Variants in GDF7 observed in about 807,000 individuals in gnomAD.
GDF7 encodes growth/differentiation factor 7.
In GDF7, 12 loss-of-function variants were observed where a neutral mutation model predicts 13.4. The observed-to-expected ratio is 0.90, with a 90% CI of 0.57 to 1.45. The LOEUF is 1.45. GDF7 is among the 40% of genes most tolerant of loss of function. GDF7 has a pLI of 0.00. For synonymous variants in GDF7, 330 were observed against 306.4 expected, an observed-to-expected ratio of 1.08 and a Z score of -0.80; for missense variants, 651 against 652.4, an observed-to-expected ratio of 1.00 and a Z score of 0.02.
rs1054673633 is a variant in GDF7, at chr2:20,674,804, T to C, written c.*3379T>C. On this transcript the variant is annotated 3_prime_UTR_variant, in exon 2 of 2. Coordinates refer to ENST00000272224, the MANE Select transcript of GDF7 (RefSeq NM_182828.4). ...ACTCCACGAAGCCAAGGACAGTCAC[T>C]TCTCCCTGGCAGCTCTCATGGTGTC... The C allele has an allele frequency of 9.2e-5, 14 of 152,204 alleles. No homozygotes were observed. The highest frequency in any genetic ancestry group is 3.4e-4 in the African/African-American group (14 of 41,432). 9.4% of individuals were successfully genotyped at this position (152,204 alleles called of 1,614,324 possible). A position where few individuals can be genotyped will look rare whatever the true frequency, so the allele number is the denominator to read the frequency against.
chr2:20,678,948 T>G lies in GDF7; in HGVS notation c.*7523T>G, dbSNP rs561300158. The G allele has an allele frequency of 5.3e-5, 8 of 152,288 alleles. No homozygotes were observed. Among genetic ancestry groups the G allele is most frequent in the Non-Finnish European group, 1.2e-4 (8 of 68,020 alleles). 9.4% of individuals were successfully genotyped at this position (152,288 alleles called of 1,614,324 possible). Reference sequence around the variant, plus strand: ...AGGCTTGCAGGCTGGGCTGTCTCCTTGCTGCCTGGCTTGGGTGTTTATTTG... The same window carrying G: ...AGGCTTGCAGGCTGGGCTGTCTCCTGGCTGCCTGGCTTGGGTGTTTATTTG... On this transcript the variant is annotated 3_prime_UTR_variant, in exon 2 of 2. Transcript: ENST00000272224.
chr2:20,670,921 G>T lies in GDF7; in HGVS notation c.849G>T (p.Glu283Asp). The T allele has an allele frequency of 6.4e-7, 1 of 1,571,620 alleles. No individual in the cohort carries two copies. Reference sequence around the variant, plus strand: ...AGAGGAAAGAGAGCTTATTCCGGGAGATCCGCGCCCAGGCCCGCGCGCTCG... The same window carrying T: ...AGAGGAAAGAGAGCTTATTCCGGGATATCCGCGCCCAGGCCCGCGCGCTCG... ...RTQRKESLFR[E>D]IRAQARALGA... The change falls in exon 2 of 2, where the codon GAG (glutamate) becomes GAT (aspartate). Residue 283 changes from glutamate (E) to aspartate (D), a missense_variant. By Grantham distance (45) the Glu-to-Asp change is conservative (BLOSUM62 2). Around this residue, in one of 4 missense-constraint regions of GDF7, gnomAD observed 487 missense variants for 445.9 expected, o/e 1.09. Coordinates refer to ENST00000272224, the MANE Select transcript of GDF7 (RefSeq NM_182828.4).
chr2:20,667,331 C>T lies in GDF7; in HGVS notation c.92C>T (p.Ala31Val). The change falls in exon 1 of 2, where the codon GCG becomes GTG. Residue 31 changes from alanine (A) to valine (V), a missense_variant. By Grantham distance (64) the Ala-to-Val change is moderately conservative. This residue lies in a region of GDF7 where 61 missense variants were observed against 50.5 expected (regional missense o/e 1.21). Coordinates refer to ENST00000272224, the MANE Select transcript of GDF7 (RefSeq NM_182828.4). This position sits in a 1 kb window ranked among gnomAD's most constrained non-coding sequence, Gnocchi z 6.4. ...CTGGAAGCGGCCGCCGTGCTGCGAG[C>T]GGCGGGGGCTGGGCCGGTCCGGAGC... ...DGLEAAAVLR[A>V]AGAGPVRSPG... The T allele has an allele frequency of 1.9e-6, 2 of 1,059,164 alleles. No homozygotes were observed. The highest frequency in any genetic ancestry group is 3.4e-5 in the South Asian group (1 of 29,222). 65.6% of individuals were successfully genotyped at this position (1,059,164 alleles called of 1,614,324 possible).
rs776001362 is a variant in GDF7 at position 20,671,165 on chromosome 2, G to A, written c.1093G>A (p.Asp365Asn). ...GGACTTCAAGGAGCTCGGCTGGGAC[G>A]ACTGGATCATCGCGCCGCTGGACTA... ...HVDFKELGWD[D>N]WIIAPLDYEA... Residue 365 changes from aspartate (D) to asparagine (N), a missense_variant, in exon 2 of 2, where the codon GAC becomes AAC. Physicochemically the swap from Asp to Asn is conservative, Grantham distance 23. Around this residue, in one of 4 missense-constraint regions of GDF7, gnomAD observed 101 missense variants for 139.2 expected, o/e 0.73. Coordinates refer to ENST00000272224, the MANE Select transcript of GDF7 (RefSeq NM_182828.4). 2 of 1,613,324 alleles carry A rather than the reference G, an allele frequency of 1.2e-6. No homozygotes were observed. The highest frequency in any genetic ancestry group is 1.7e-6 in the Non-Finnish European group (2 of 1,179,830).
Position 20,671,461 on chromosome 2 carries a change from G to A in GDF7, c.*36G>A, listed in dbSNP as rs992604767. ...GGGGAGGGGGCAGCCACGCGGCCGA[G>A]GATCCCCAGCTGATGAGCAGCAGCG... On this transcript the variant is annotated 3_prime_UTR_variant, in exon 2 of 2. Transcript: ENST00000272224. 2.5e-6 allele frequency: 4 copies of A among 1,590,992 alleles called. No homozygotes were observed. In the African/African-American group the frequency reaches 4.0e-5, roughly 16 times the overall value.
Position 20,672,166 on chromosome 2 carries a change from G to T in GDF7, c.*741G>T, listed in dbSNP as rs1410853321. The T allele has an allele frequency of 7.5e-6, 1 of 133,692 alleles. No individual in the cohort carries two copies. 8.3% of individuals were successfully genotyped at this position (133,692 alleles called of 1,614,324 possible). On this transcript the variant is annotated 3_prime_UTR_variant, in exon 2 of 2. Coordinates refer to ENST00000272224, the MANE Select transcript of GDF7 (RefSeq NM_182828.4). ...TTTTTAATCAATTCCAATAGGAAAT[G>T]TTATGGAAAGTGGAAAGGATATTTT... is the stretch of plus-strand genomic sequence containing the variant.
chr2:20,670,376 C>G, intron 1 of GDF7, 88 bp from the exon 2 acceptor site: 1 of 1,346,628 alleles, frequency 7.4e-7, no homozygotes, highest in Non-Finnish European at 9.7e-7. Flanking sequence ...ACAGCTGGGC[C>G]ATTTGCTGTT....
chr2:20,669,740 G>A lies in GDF7; in HGVS notation c.392-724G>A, dbSNP rs1454155543. Reference sequence around the variant, plus strand: ...CGAGCAGCAGCGCCCATTGTTGCAAGACCTGAGACCTTGGGCGAGCCTGGC... The same window carrying A: ...CGAGCAGCAGCGCCCATTGTTGCAAAACCTGAGACCTTGGGCGAGCCTGGC... On this transcript the variant is annotated intron_variant, in intron 1 of 1. Transcript: ENST00000272224. Among the ~76,000 whole-genome samples the A allele has an allele frequency of 2.0e-5, 3 of 152,372 alleles. No individual in the cohort carries two copies. The East Asian group carries it at 5.8e-4, about 29-fold the overall frequency.
Position 20,672,148 on chromosome 2 carries a change from TC to T in GDF7, c.*724del, listed in dbSNP as rs1176161192. On this transcript the variant is annotated 3_prime_UTR_variant, in exon 2 of 2. Transcript: ENST00000272224. ...CCGCCTTTTTTTTTTTTTTTTTTAA[TC>T]AATTCCAATAGGAAATGTTATGGAA... 7.6e-6 allele frequency: 1 copy of T among 132,338 alleles called. No individual in the cohort carries two copies. Among genetic ancestry groups the T allele is most frequent in the East Asian group, 2.4e-4 (1 of 4,152 alleles). 8.2% of individuals were successfully genotyped at this position (132,338 alleles called of 1,614,324 possible).
In GDF7 at chr2:20,670,630, G is replaced by T; in HGVS notation, c.558G>T (p.Pro186=). Residue 186 remains proline (P), a synonymous_variant, in exon 2 of 2, where the codon CCG becomes CCT. Transcript: ENST00000272224. ...CGTTGCTGCTGCTGTCCACGTGCCC[G>T]GGCGCCGCCCGAGCGCCACGCCTGC... The part of the protein sequence containing the change: ...SPPLLLLSTC[P]GAARAPRLLY... 1.3e-6 allele frequency: 2 copies of T among 1,567,572 alleles called. No homozygotes were observed. Among genetic ancestry groups the T allele is most frequent in the South Asian group, 2.3e-5 (2 of 85,700 alleles).
chr2:20,671,836 C>T lies in GDF7; in HGVS notation c.*411C>T, dbSNP rs776081649. 4 of 214,018 alleles carry T rather than the reference C, an allele frequency of 1.9e-5. No individual in the cohort carries two copies. The highest frequency in any genetic ancestry group is 3.7e-5 in the Non-Finnish European group (4 of 106,688). 13.3% of individuals were successfully genotyped at this position (214,018 alleles called of 1,614,324 possible). On this transcript the variant is annotated 3_prime_UTR_variant, in exon 2 of 2. Coordinates refer to ENST00000272224, the MANE Select transcript of GDF7 (RefSeq NM_182828.4). ...GGGTACTCGAGCATGCTTTATCTCA[C>T]CCCCTTTTGTTTCTGGCCCGATGTG...
intron 1 of GDF7, among the ~76,000 whole-genome samples, chr2:20,669,963 CG>C (rs1351607096): frequency 2.6e-5 from 4 of 152,218 alleles, no homozygotes; most frequent in African/African-American, 9.6e-5. Flanking sequence ...TTTCCGTTTT[CG>C]CACAGCCAGG....
At chr2:20,669,251 T>C (rs1662052989) in intron 1 of GDF7, among the ~76,000 whole-genome samples, 2 of 151,934 alleles carry the variant, frequency 1.3e-5, no homozygotes, top group Non-Finnish European at 2.9e-5. Flanking sequence ...CCAGAAGCCA[T>C]TGATAGGGAT....
At position 20,677,291 on chromosome 2, in the gene GDF7, A is replaced by G. The variant is rs1399696850; in HGVS notation, c.*5866A>G. ...GAAATAAACTGTCTAGAAAAACAAG[A>G]AGCTTCTGTCACACCCAGGCCACTT... On this transcript the variant is annotated 3_prime_UTR_variant, in exon 2 of 2. Transcript: ENST00000272224. The G allele has an allele frequency of 6.6e-6, 1 of 152,228 alleles. No homozygotes were observed. The highest frequency in any genetic ancestry group is 1.5e-5 in the Non-Finnish European group (1 of 68,050). The allele number at this position is 152,228 out of a possible 1,614,324, so 9.4% of individuals were successfully genotyped here. A position where few individuals can be genotyped will look rare whatever the true frequency, so the allele number is the denominator to read the frequency against.
In GDF7 at chr2:20,670,459, C is replaced by T; in HGVS notation, c.392-5C>T. On this transcript the variant is annotated splice_region_variant and splice_polypyrimidine_tract_variant and intron_variant, in intron 1 of 1. Transcript: ENST00000272224. ...TTTCTCTCTGTCCCTGCCGGTCCCC[C>T]GCAGACGAATCGGCAGCCGAAACAG... The T allele has an allele frequency of 6.5e-7, 1 of 1,530,260 alleles. No homozygotes were observed. Among genetic ancestry groups the T allele is most frequent in the South Asian group, 1.3e-5 (1 of 79,508 alleles). The allele number at this position is 1,530,260 out of a possible 1,614,324, so 94.8% of individuals were successfully genotyped here.
Position 20,671,543 on chromosome 2 carries a change from A to G in GDF7, c.*118A>G. 1 of 996,802 alleles carries G rather than the reference A, an allele frequency of 1.0e-6. No homozygotes were observed. The highest frequency in any genetic ancestry group is 1.5e-6 in the Non-Finnish European group (1 of 679,144). The allele number at this position is 996,802 out of a possible 1,614,324, so 61.7% of individuals were successfully genotyped here. ...CCGATGTGACCCAGCACCCTCTCAGAGGAGGGAGAGCACACGTTCACACTC... is the reference window on the plus strand; with the variant it reads ...CCGATGTGACCCAGCACCCTCTCAGGGGAGGGAGAGCACACGTTCACACTC... On this transcript the variant is annotated 3_prime_UTR_variant, in exon 2 of 2. Transcript: ENST00000272224.
rs1662225207 is a variant in GDF7 at position 20,676,600 on chromosome 2, G to T, written c.*5175G>T. 6.6e-6 allele frequency: 1 copy of T among 152,342 alleles called. No homozygotes were observed. The allele number at this position is 152,342 out of a possible 1,614,324, so 9.4% of individuals were successfully genotyped here. On this transcript the variant is annotated 3_prime_UTR_variant, in exon 2 of 2. Coordinates refer to ENST00000272224, the MANE Select transcript of GDF7 (RefSeq NM_182828.4). Reference sequence around the variant, plus strand: ...AAAGTTGGCCTAGTGAATCAGAGGGGTGACTGAGGGCCTAGAAGTTGCCGC... The same window carrying T: ...AAAGTTGGCCTAGTGAATCAGAGGGTTGACTGAGGGCCTAGAAGTTGCCGC...
chr2:20,674,458 G>C lies in GDF7; in HGVS notation c.*3033G>C, dbSNP rs941052294. On this transcript the variant is annotated 3_prime_UTR_variant, in exon 2 of 2. Transcript: ENST00000272224. ...TAGGGAGCTCGGGACAGGCCAGCTG[G>C]GGCCCAACGGGGGCTGGTGCTGGGT... 1 of 152,260 alleles carries C rather than the reference G, an allele frequency of 6.6e-6. No homozygotes were observed. Among genetic ancestry groups the C allele is most frequent in the Non-Finnish European group, 1.5e-5 (1 of 68,074 alleles). The allele number at this position is 152,260 out of a possible 1,614,324, so 9.4% of individuals were successfully genotyped here.
Position 20,671,056 on chromosome 2 carries a change from G to C in GDF7, c.984G>C (p.Arg328=). The part of the protein sequence containing the change: ...RRRRTALAGT[R]TAQGSGGGAG... ...GGAGGACGGCGTTGGCCGGGACGCGGACAGCGCAGGGCAGCGGCGGGGGCG... is the reference window on the plus strand; with the variant it reads ...GGAGGACGGCGTTGGCCGGGACGCGCACAGCGCAGGGCAGCGGCGGGGGCG... The change falls in exon 2 of 2, where the codon CGG becomes CGC. Residue 328 remains arginine, a synonymous_variant. Transcript: ENST00000272224. 6.6e-7 allele frequency: 1 copy of C among 1,504,784 alleles called. No homozygotes were observed. Among genetic ancestry groups the C allele is most frequent in the East Asian group, 2.7e-5 (1 of 37,490 alleles). 93.2% of individuals were successfully genotyped at this position (1,504,784 alleles called of 1,614,324 possible).
Sources: gnomAD v4.1 joint callset for allele counts (sites outside exome capture counted in the v4.1 genomes callset) on GRCh38, gnomAD v4.1.1 for gene constraint, gnomAD v4.1.1 regional missense constraint, Gnocchi (gnomAD v3.1) non-coding constraint, MANE v1.5 for transcripts, NCBI Gene and HGNC (gene_info 2026-07-23, HGNC 2026-07-21) for gene names.